BCAS1: variants seen among roughly 807,000 people sequenced by gnomAD.
The protein encoded by BCAS1 is brain enriched myelin associated protein 1, also known as breast carcinoma-amplified sequence 1.
In BCAS1, 46 loss-of-function variants were observed where a neutral mutation model predicts 65.4. The observed-to-expected ratio is 0.70, with a 90% CI of 0.55 to 0.90. BCAS1 has a LOEUF of 0.90. Among genes scored for constraint, BCAS1 ranks in the 40% least tolerant of loss-of-function variants. BCAS1 has a pLI of 0.00. For missense variants in BCAS1, 793 were observed against 771.2 expected (o/e 1.03, Z -0.33); for synonymous variants, 298 against 293.5 (o/e 1.02, Z -0.16).
At chr20:54,061,385 G>T (rs2092375267) in intron 1 of BCAS1, among the ~76,000 whole-genome samples, 1 of 152,150 alleles carries the variant, frequency 6.6e-6, no homozygotes, top group African/African-American at 2.4e-5. Flanking sequence ...CACTCCAAAG[G>T]CCTGCTGTCT....
chr20:53,952,618 G>A (rs1026883557), intron 12 of BCAS1, among the ~76,000 whole-genome samples: 1 of 152,054 alleles, frequency 6.6e-6, no homozygotes, highest in Non-Finnish European at 1.5e-5. Context: ...TACCTTATGA[G>A]TATCCTTTTT....
At chr20:53,989,273 G>A (rs1367799070) in intron 7 of BCAS1, among the ~76,000 whole-genome samples, 3 of 151,798 alleles carry the variant, frequency 2.0e-5, no homozygotes, top group Non-Finnish European at 4.4e-5. Context: ...TTTTCTCTTT[G>A]CATTGGGAGG....
intron 4 of BCAS1, among the ~76,000 whole-genome samples, chr20:54,017,552 T>C (rs867702108): frequency 1.3e-5 from 2 of 152,062 alleles, no homozygotes; most frequent in Non-Finnish European, 2.9e-5. Context: ...TGCACCACCA[T>C]GCTTGGCTAA....
At chr20:53,968,737 T>C (rs1372039960) in intron 9 of BCAS1, among the ~76,000 whole-genome samples, 2 of 152,234 alleles carry the variant, frequency 1.3e-5, no homozygotes, top group African/African-American at 4.8e-5. Context: ...TCAGCATGGA[T>C]TGACCAGACC....
chr20:54,066,190 A>G (rs922109007), intron 1 of BCAS1, among the ~76,000 whole-genome samples: 8 of 151,498 alleles, frequency 5.3e-5, no homozygotes, highest in Non-Finnish European at 8.8e-5. Flanking sequence ...CTCCTGCCTC[A>G]GTCTCCCGAG....
intron 9 of BCAS1, among the ~76,000 whole-genome samples, chr20:53,970,372 C>A (rs2090148700): frequency 6.6e-6 from 1 of 152,222 alleles, no homozygotes; most frequent in African/African-American, 2.4e-5. Context: ...AATCCACTGA[C>A]ATCCAGTGTG....
At chr20:53,995,780 C>T in intron 5 of BCAS1, 112 bp downstream of exon 5, 1 of 1,226,116 alleles carries the variant, frequency 8.2e-7, no homozygotes, top group Non-Finnish European at 1.1e-6. Context: ...CATGCTCCAA[C>T]AGCACCATGA....
At chr20:54,051,283 C>G (rs916333818) in intron 3 of BCAS1, among the ~76,000 whole-genome samples, 1 of 152,162 alleles carries the variant, frequency 6.6e-6, no homozygotes, top group Non-Finnish European at 1.5e-5. Context: ...CACAATCCAC[C>G]AAAGTTTGCA....
intron 8 of BCAS1, among the ~76,000 whole-genome samples, chr20:53,983,899 C>T (rs756050706): frequency 6.6e-6 from 1 of 152,188 alleles, no homozygotes; most frequent in African/African-American, 2.4e-5. Context: ...CCTACTTCTC[C>T]TTCACAGATG....
At chr20:54,062,067 C>T (rs1455999796) in intron 1 of BCAS1, among the ~76,000 whole-genome samples, 2 of 152,274 alleles carry the variant, frequency 1.3e-5, no homozygotes, top group East Asian at 3.9e-4. Context: ...TAGTCATGCC[C>T]TTTTATTTAT....
intron 1 of BCAS1, among the ~76,000 whole-genome samples, chr20:54,060,491 T>A (rs186389414): frequency 6.7e-4 from 102 of 152,072 alleles, no homozygotes; most frequent in African/African-American, 2.3e-3. Context: ...TTTTTTTTTT[T>A]TTGTATTTTT....
intron 10 of BCAS1, among the ~76,000 whole-genome samples, chr20:53,964,825 G>A (rs2145611310): frequency 6.7e-6 from 1 of 148,452 alleles, no homozygotes; most frequent in Middle Eastern, 3.4e-3. Context: ...TGCTTTCTTT[G>A]GAGTTTCTTG....
chr20:53,971,929 A>G (rs1035170985), intron 9 of BCAS1, among the ~76,000 whole-genome samples: 1 of 152,226 alleles, frequency 6.6e-6, no homozygotes, highest in African/African-American at 2.4e-5. Context: ...TCAAGAGTTA[A>G]AAAAAGATTT....
At chr20:54,065,351 T>A (rs1056663042) in intron 1 of BCAS1, among the ~76,000 whole-genome samples, 2 of 152,252 alleles carry the variant, frequency 1.3e-5, no homozygotes, top group African/African-American at 4.8e-5. Flanking sequence ...TATGCTGTTC[T>A]TTGTTTCTCC....
intron 4 of BCAS1, among the ~76,000 whole-genome samples, chr20:54,012,013 C>G (rs933406995): frequency 1.4e-4 from 22 of 152,208 alleles, no homozygotes; most frequent in Admixed American, 1.2e-3. Context: ...TTGGAACAAC[C>G]AAACATCAAA....
chr20:54,058,183 C>G, intron 2 of BCAS1, 29 bp from the exon 3 acceptor site: 1 of 1,604,818 alleles, frequency 6.2e-7, no homozygotes, highest in African/African-American at 1.3e-5. Context: ...CATTGTGAGA[C>G]AAATCTTCGG....
At chr20:54,062,791 TC>T (rs2092391996) in intron 1 of BCAS1, among the ~76,000 whole-genome samples, 1 of 152,140 alleles carries the variant, frequency 6.6e-6, no homozygotes, top group Admixed American at 6.5e-5. Flanking sequence ...TAATGGCGTG[TC>T]TTTTTCAGTG....
At chr20:54,030,155 T>G (rs2091768170) in intron 3 of BCAS1, among the ~76,000 whole-genome samples, 1 of 152,200 alleles carries the variant, frequency 6.6e-6, no homozygotes, top group African/African-American at 2.4e-5. Flanking sequence ...AAAAGGTCCT[T>G]CTTTTCTAGG....
intron 8 of BCAS1, among the ~76,000 whole-genome samples, chr20:53,983,828 T>C (rs565636150): frequency 3.5e-4 from 53 of 152,280 alleles, no homozygotes; most frequent in African/African-American, 1.2e-3. Context: ...TCTCTCTCTT[T>C]CTTGCTAGAT....
Sources: allele counts gnomAD v4.1 joint callset (sites outside exome capture counted in the v4.1 genomes callset), GRCh38; gene constraint gnomAD v4.1.1; transcripts MANE v1.5; gene names NCBI Gene and HGNC (gene_info 2026-07-23, HGNC 2026-07-21).